Variants in MESD observed in about 807,000 individuals in gnomAD.
The protein encoded by MESD is mesoderm development LRP chaperone, also known as LRP chaperone MESD.
A neutral mutation model predicts 12.9 loss-of-function variants in MESD; 7 were observed. The ratio of observed to expected loss-of-function variants is 0.54; its 90% CI spans 0.31 to 1.02. The LOEUF (loss-of-function observed/expected upper bound fraction) is 1.02, where lower values mean the gene tolerates loss of function less well. MESD is among the 50% of genes least tolerant of loss of function. The probability of loss-of-function intolerance (pLI) is 0.05; values close to 1 mark genes in which losing one functional copy is unlikely to be tolerated. For synonymous variants in MESD, 126 were observed against 115.6 expected, an observed-to-expected ratio of 1.09 and a Z score of -0.58; for missense variants, 342 against 296.7, an observed-to-expected ratio of 1.15 and a Z score of -1.12.
At chr15:80,948,443 G>A (rs559637942) in exon 5 of MESD, 64 of 365,816 alleles carry the variant, frequency 1.7e-4, no homozygotes, top group Middle Eastern at 1.9e-3. Context: ...TCAGAGAGGG[G>A]CAGGGACTTG....
At position 80,982,060 on chromosome 15, in the gene MESD, C is replaced by A. The variant is rs760649884; in HGVS notation, c.336G>T (p.Lys112Asn). ...ATACAGTGACAAACATCATGAGAGTCTTCCCTTTTTTCGTCATTTTCAATA... is the reference window on the plus strand; with the variant it reads ...ATACAGTGACAAACATCATGAGAGTATTCCCTTTTTTCGTCATTTTCAATA... ...ESILKMTKKGKTLMMFVTVSG... is the reference protein window; with the variant it reads ...ESILKMTKKGNTLMMFVTVSG... The change falls in exon 2 of 3, where the codon AAG (lysine) becomes AAT (asparagine). Residue 112 changes from lysine (K) to asparagine (N), a missense_variant. Physicochemically the swap from Lys to Asn is moderately conservative, Grantham distance 94. Transcript: ENST00000261758. The A allele has an allele frequency of 1.2e-6, 2 of 1,613,962 alleles. No homozygotes were observed. The highest frequency in any genetic ancestry group is 1.7e-6 in the Non-Finnish European group (2 of 1,180,018).
chr15:80,985,074 A>T (rs1902692866), intron 1 of MESD, among the ~76,000 whole-genome samples: 2 of 152,182 alleles, frequency 1.3e-5, no homozygotes, highest in African/African-American at 4.8e-5. Context: ...CAGTAACATG[A>T]CCACACATAA....
rs200600757 is a variant in MESD at position 80,984,785 on chromosome 15, C to CA, written c.214-2604dup. The stretch of plus-strand genomic sequence containing the variant: ...ATAAACCTGTTACCAAAACAAAAAA[C>CA]AAAAAAAAGCCCCTAAGTCACTCTT... On this transcript the variant is annotated intron_variant, in intron 1 of 2. Coordinates refer to ENST00000261758, the MANE Select transcript of MESD (RefSeq NM_015154.3). 2.3e-3 allele frequency among the ~76,000 whole-genome samples: 341 copies of CA among 151,500 alleles called. 3 individuals carry two copies. Among genetic ancestry groups the CA allele is most frequent in the African/African-American group, 7.7e-3 (320 of 41,318 alleles).
chr15:80,980,322 C>T (rs773241287), intron 2 of MESD, among the ~76,000 whole-genome samples: 2 of 152,210 alleles, frequency 1.3e-5, no homozygotes, highest in Non-Finnish European at 2.9e-5. Flanking sequence ...AGAATATTTG[C>T]AGACCCCAAA....
downstream of MESD, among the ~76,000 whole-genome samples, chr15:80,971,250 C>T (rs1008681251): frequency 3.9e-5 from 6 of 152,198 alleles, no homozygotes; most frequent in Non-Finnish European, 7.3e-5. Context: ...CAACGAGGTA[C>T]CTGACAGCCT....
intron 3 of MESD, among the ~76,000 whole-genome samples, chr15:80,968,069 A>G (rs1478076507): frequency 6.6e-6 from 1 of 152,208 alleles, no homozygotes; most frequent in Non-Finnish European, 1.5e-5. Flanking sequence ...TCCTTGTACC[A>G]GCAAGCAGCA....
At chr15:80,964,705 A>G (rs1433611035) in intron 3 of MESD, among the ~76,000 whole-genome samples, 1 of 152,228 alleles carries the variant, frequency 6.6e-6, no homozygotes, top group Non-Finnish European at 1.5e-5. Flanking sequence ...GCAATGGGGA[A>G]AGGATTCCCT....
intron 2 of MESD, among the ~76,000 whole-genome samples, chr15:80,981,125 C>T (rs905905590): frequency 4.0e-5 from 6 of 151,564 alleles, no homozygotes; most frequent in East Asian, 2.0e-4. Flanking sequence ...CACCCGGCAA[C>T]GCTCTTCTTT....
In MESD at chr15:80,979,154, C is replaced by T; in HGVS notation, c.*65G>A. 1 of 1,559,860 alleles carries T rather than the reference C, an allele frequency of 6.4e-7. No individual in the cohort carries two copies. The highest frequency in any genetic ancestry group is 8.7e-7 in the Non-Finnish European group (1 of 1,154,116). On this transcript the variant is annotated 3_prime_UTR_variant, in exon 3 of 3. Transcript: ENST00000261758. ...GCAGTTGCCTGAGACCACTCCCACC[C>T]CAGGAGCTGGGCAAAGAGCTCTCCA...
intron 3 of MESD, among the ~76,000 whole-genome samples, chr15:80,958,277 A>C (rs1902024446): frequency 1.3e-5 from 2 of 152,120 alleles, no homozygotes; most frequent in Non-Finnish European, 2.9e-5. Flanking sequence ...TCAGGTATAG[A>C]ATTGTTGCTC....
chr15:80,979,032 G>A lies in MESD; in HGVS notation c.*187C>T, dbSNP rs1005418474. On this transcript the variant is annotated 3_prime_UTR_variant, in exon 3 of 3. Transcript: ENST00000261758. ...GTCCAGTATTAATTAGAAAACATCTGTCTTCTTACTTGAAGCCTATTAAGC... is the reference window on the plus strand; with the variant it reads ...GTCCAGTATTAATTAGAAAACATCTATCTTCTTACTTGAAGCCTATTAAGC... 11 of 692,780 alleles carry A rather than the reference G, an allele frequency of 1.6e-5. No individual in the cohort carries two copies. The highest frequency in any genetic ancestry group is 2.6e-5 in the Non-Finnish European group (11 of 422,274). The allele number at this position is 692,780 out of a possible 1,614,324, so 42.9% of individuals were successfully genotyped here.
chr15:80,984,797 C>G (rs1567127066), intron 1 of MESD, among the ~76,000 whole-genome samples: 1 of 152,106 alleles, frequency 6.6e-6, no homozygotes, highest in Non-Finnish European at 1.5e-5. Context: ...AAAAAAAGCC[C>G]CTAAGTCACT....
chr15:80,969,063 C>T (rs1902232704), intron 3 of MESD, among the ~76,000 whole-genome samples: 1 of 152,102 alleles, frequency 6.6e-6, no homozygotes, highest in Non-Finnish European at 1.5e-5. Context: ...TGATGGTGCA[C>T]ACCTGTGGTC....
intron 3 of MESD, among the ~76,000 whole-genome samples, chr15:80,952,584 T>C (rs764974974): frequency 3.3e-5 from 5 of 152,108 alleles, no homozygotes; most frequent in South Asian, 2.1e-4. Flanking sequence ...CTGGGTCTTA[T>C]GCATTGGGTT....
At chr15:80,988,827 A>G (rs549808179) in intron 1 of MESD, among the ~76,000 whole-genome samples, 55 of 152,320 alleles carry the variant, frequency 3.6e-4, no homozygotes, top group Admixed American at 5.9e-4. Flanking sequence ...AACCAGGACG[A>G]TACAATCACC....
intron 3 of MESD, among the ~76,000 whole-genome samples, chr15:80,967,308 A>AAAAAG (rs1236304807): frequency 2.6e-5 from 4 of 152,160 alleles, no homozygotes; most frequent in Admixed American, 1.3e-4. Context: ...AAGAAAAAGA[A>AAAAAG]AAAAGAAAAG....
intron 3 of MESD, among the ~76,000 whole-genome samples, chr15:80,962,575 C>T (rs953569306): frequency 6.6e-6 from 1 of 152,120 alleles, no homozygotes; most frequent in Non-Finnish European, 1.5e-5. Flanking sequence ...TAAAATTGAC[C>T]ACCTAATTGG....
At chr15:80,987,437 C>A (rs935956012) in intron 1 of MESD, among the ~76,000 whole-genome samples, 1 of 151,752 alleles carries the variant, frequency 6.6e-6, no homozygotes, top group South Asian at 2.1e-4. Context: ...TTTACAGATA[C>A]GTAAAACTAG....
chr15:80,986,515 G>A (rs1377385253), intron 1 of MESD, among the ~76,000 whole-genome samples: 1 of 152,064 alleles, frequency 6.6e-6, no homozygotes, highest in Non-Finnish European at 1.5e-5. Context: ...ATACAACTCT[G>A]TACCCCATAA....
Sources: gnomAD v4.1 joint callset for allele counts (sites outside exome capture counted in the v4.1 genomes callset) on GRCh38, gnomAD v4.1.1 for gene constraint, MANE v1.5 for transcripts, NCBI Gene and HGNC (gene_info 2026-07-23, HGNC 2026-07-21) for gene names.